The following DENND1A variants were observed in gnomAD, a reference collection of about 807,000 sequenced individuals.
DENND1A encodes the protein DENN domain-containing protein 1A.
Under a neutral mutation model 113.7 loss-of-function variants are expected in DENND1A, and 51 were observed. The ratio of observed to expected loss-of-function variants is 0.45; its 90% confidence interval spans 0.36 to 0.57. DENND1A has a LOEUF of 0.57. DENND1A is among the 20% of genes least tolerant of loss of function. DENND1A has a pLI of 0.00. For synonymous variants in DENND1A, 565 were observed against 570.8 expected (o/e 0.99, Z 0.14); for missense variants, 1,258 against 1,395.9 (o/e 0.90, Z 1.57).
At chr9:123,493,505 T>C (rs1309104616) in intron 13 of DENND1A, among the ~76,000 whole-genome samples, 1 of 152,134 alleles carries the variant, frequency 6.6e-6, no homozygotes, top group Non-Finnish European at 1.5e-5. Flanking sequence ...AGCGGGGCCA[T>C]CACACCAGAA....
chr9:123,532,940 A>G (rs2055445333), intron 13 of DENND1A, among the ~76,000 whole-genome samples: 1 of 152,232 alleles, frequency 6.6e-6, no homozygotes, highest in South Asian at 2.1e-4. Context: ...TGCATCTTAA[A>G]CCTGGATAAA....
chr9:123,622,133 T>G (rs1299565848), intron 10 of DENND1A, among the ~76,000 whole-genome samples: 1 of 152,238 alleles, frequency 6.6e-6, no homozygotes, highest in African/African-American at 2.4e-5. Flanking sequence ...CATATCCTAT[T>G]TGACTTCTCA....
intron 3 of DENND1A, among the ~76,000 whole-genome samples, chr9:123,780,238 G>A (rs145918086): frequency 3.3e-5 from 5 of 152,188 alleles, no homozygotes; most frequent in African/African-American, 4.8e-5. Flanking sequence ...TGAGCTTCTC[G>A]CCTCTCCCAA....
intron 8 of DENND1A, among the ~76,000 whole-genome samples, chr9:123,665,885 C>A (rs921822755): frequency 6.6e-6 from 1 of 152,190 alleles, no homozygotes; most frequent in Non-Finnish European, 1.5e-5. Flanking sequence ...AAAAGGCAGG[C>A]AATTGTGACA....
chr9:123,401,537 A>C, intron 21 of DENND1A: 13 of 1,342,406 alleles, frequency 9.7e-6, no homozygotes, highest in Non-Finnish European at 1.2e-5. Flanking sequence ...CGCTCACAGA[A>C]AACCTGTCAT....
At chr9:123,398,414 A>G (rs1170307200) in intron 21 of DENND1A, among the ~76,000 whole-genome samples, 2 of 151,318 alleles carry the variant, frequency 1.3e-5, no homozygotes, top group East Asian at 1.9e-4. Context: ...TCACTCTGTC[A>G]CCCAGGCTAG....
At chr9:123,734,337 C>T (rs749410429) in intron 5 of DENND1A, among the ~76,000 whole-genome samples, 1 of 152,120 alleles carries the variant, frequency 6.6e-6, no homozygotes, top group African/African-American at 2.4e-5. Context: ...TACTCATTTA[C>T]ATAATAATTT....
intron 13 of DENND1A, among the ~76,000 whole-genome samples, chr9:123,487,361 CCTGCCCCCTCCACACCAATATTATTG>C (rs1335980720): frequency 6.6e-6 from 1 of 152,190 alleles, no homozygotes; most frequent in Non-Finnish European, 1.5e-5. Flanking sequence ...GGTTTGTTTA[CCTGCCCCCTCCACACCAATATTATTG>C]CTGGTAACTA....
At position 123,700,307 on chromosome 9, in the gene DENND1A, C is replaced by G. The variant is rs548179784; in HGVS notation, c.303-23518G>C. ...AAAAAAAGGCCTGGTGGTATTATTG[C>G]ATTGACTCTATAGATCAATTTGGGG... On this transcript the variant is annotated intron_variant, in intron 5 of 23. Coordinates refer to ENST00000394215, the MANE Select transcript of DENND1A (RefSeq NM_001352964.2). 7.9e-5 allele frequency among the ~76,000 whole-genome samples: 12 copies of G among 152,326 alleles called. No individual in the cohort carries two copies. The South Asian group carries it at 2.5e-3, about 32-fold the overall frequency.
At chr9:123,537,480 G>A (rs2055873167) in intron 13 of DENND1A, among the ~76,000 whole-genome samples, 2 of 151,730 alleles carry the variant, frequency 1.3e-5, no homozygotes, top group Middle Eastern at 3.4e-3. Flanking sequence ...CGGCTAACTG[G>A]AGTGCCTGAA....
intron 10 of DENND1A, among the ~76,000 whole-genome samples, chr9:123,628,764 A>G (rs1202900207): frequency 2.0e-5 from 3 of 152,228 alleles, no homozygotes; most frequent in Admixed American, 6.5e-5. Flanking sequence ...CACAGTGAAA[A>G]AAATGTGGGG....
At chr9:123,603,734 C>A (rs2060031651) in intron 11 of DENND1A, among the ~76,000 whole-genome samples, 1 of 152,074 alleles carries the variant, frequency 6.6e-6, no homozygotes, top group Non-Finnish European at 1.5e-5. Flanking sequence ...GAAAAAGTAA[C>A]TAATTCATAA....
intron 16 of DENND1A, among the ~76,000 whole-genome samples, chr9:123,452,816 T>C (rs935329132): frequency 3.9e-5 from 6 of 152,178 alleles, no homozygotes; most frequent in Non-Finnish European, 7.3e-5. Context: ...GGGAAATACA[T>C]TGCCCTCACC....
intron 2 of DENND1A, among the ~76,000 whole-genome samples, chr9:123,844,252 C>G (rs1842252082): frequency 6.6e-6 from 1 of 151,978 alleles, no homozygotes; most frequent in Non-Finnish European, 1.5e-5. Flanking sequence ...TAAAAGTCAT[C>G]AAGAATAGAA....
At chr9:123,585,836 A>T (rs922195237) in intron 11 of DENND1A, among the ~76,000 whole-genome samples, 1 of 152,144 alleles carries the variant, frequency 6.6e-6, no homozygotes, top group African/African-American at 2.4e-5. Context: ...TAAAATGCTA[A>T]CTGTGGCCAC....
chr9:123,661,401 G>A (rs925467725), intron 8 of DENND1A, among the ~76,000 whole-genome samples: 3 of 152,168 alleles, frequency 2.0e-5, no homozygotes, highest in Middle Eastern at 3.2e-3. Context: ...AGTACTAAAC[G>A]AAGGTATACA....
intron 5 of DENND1A, among the ~76,000 whole-genome samples, chr9:123,681,232 A>G (rs1204728326): frequency 2.7e-5 from 4 of 149,210 alleles, no homozygotes; most frequent in Middle Eastern, 3.2e-3. Context: ...CAGCAATGGT[A>G]TTAGAACCCA....
chr9:123,882,244 C>T (rs1848417472), intron 1 of DENND1A, among the ~76,000 whole-genome samples: 1 of 150,690 alleles, frequency 6.6e-6, no homozygotes, highest in Non-Finnish European at 1.5e-5. Flanking sequence ...TGCCCAGCTA[C>T]TGGAGAGGCC....
chr9:123,416,544 C>T (rs749547262), intron 19 of DENND1A, among the ~76,000 whole-genome samples: 11 of 152,230 alleles, frequency 7.2e-5, no homozygotes, highest in Non-Finnish European at 1.6e-4. Flanking sequence ...TGTCCCCTGG[C>T]CGGGTTGAAA....
Sources: allele counts gnomAD v4.1 joint callset (sites outside exome capture counted in the v4.1 genomes callset), GRCh38; gene constraint gnomAD v4.1.1; transcripts MANE v1.5; gene names NCBI Gene and HGNC (gene_info 2026-07-23, HGNC 2026-07-21).